SPAG1: variants seen among roughly 807,000 people sequenced by gnomAD.
The protein encoded by SPAG1 is sperm-associated antigen 1.
In SPAG1, 69 loss-of-function variants were observed where a neutral mutation model predicts 100.5. That is an observed-to-expected ratio of 0.69 (90% confidence interval 0.57 to 0.84). The LOEUF (loss-of-function observed/expected upper bound fraction) is 0.84, where lower values mean the gene tolerates loss of function less well. SPAG1 is among the 40% of genes least tolerant of loss of function. The pLI, the probability that SPAG1 is intolerant of heterozygous loss-of-function variation, is 0.00. For missense variants in SPAG1, 955 were observed against 1,133.1 expected (o/e 0.84, Z 2.26); for synonymous variants, 336 against 411.6 (o/e 0.82, Z 2.22).
At chr8:100,161,763 A>G (rs1815317096) in intron 1 of SPAG1, among the ~76,000 whole-genome samples, 1 of 152,214 alleles carries the variant, frequency 6.6e-6, no homozygotes, top group Non-Finnish European at 1.5e-5. Flanking sequence ...CTGAGACCCC[A>G]GAGGAAGGTC....
At position 100,205,079 on chromosome 8, in the gene SPAG1, T is replaced by G. The variant is rs1287507062; in HGVS notation, c.1097-8011T>G. On this transcript the variant is annotated intron_variant, in intron 10 of 18. Transcript: ENST00000388798. ...TACTTAATTTATACAAGCAGAAAAC[T>G]TCTAGGTCAAATGGACAAAAGACTA... Among the ~76,000 whole-genome samples, 4 of 152,292 alleles carry G rather than the reference T, an allele frequency of 2.6e-5. No homozygotes were observed. In the East Asian group the frequency reaches 7.7e-4, roughly 29 times the overall value.
In SPAG1 at chr8:100,213,412, G is replaced by T; in HGVS notation, c.1419G>T (p.Ala473=). ...EAAGKYSAAI[A]LLEPAGSEIA... ...CCGGCAAGTACTCGGCGGCAATCGC[G>T]CTCCTGGAGCCAGCAGGTAGGTGCG... Residue 473 remains alanine, a synonymous_variant, in exon 11 of 19, where the codon GCG becomes GCT. Transcript: ENST00000388798. The T allele has an allele frequency of 7.0e-7, 1 of 1,426,580 alleles. No individual in the cohort carries two copies. Among genetic ancestry groups the T allele is most frequent in the South Asian group, 1.4e-5 (1 of 69,388 alleles). The allele number at this position is 1,426,580 out of a possible 1,614,324, so 88.4% of individuals were successfully genotyped here.
chr8:100,203,000 A>G (rs1366746556), intron 10 of SPAG1, among the ~76,000 whole-genome samples: 4 of 152,108 alleles, frequency 2.6e-5, no homozygotes, highest in African/African-American at 9.7e-5. Context: ...GTTAATACTG[A>G]GTGTTAACTT....
At chr8:100,187,574 T>C (rs1013160704) in intron 8 of SPAG1, among the ~76,000 whole-genome samples, 26 of 152,128 alleles carry the variant, frequency 1.7e-4, no homozygotes, top group African/African-American at 6.3e-4. Flanking sequence ...CTCACACCTA[T>C]AATCCCAAAA....
At chr8:100,159,471 A>G (rs1468859660) in intron 1 of SPAG1, among the ~76,000 whole-genome samples, 1 of 152,230 alleles carries the variant, frequency 6.6e-6, no homozygotes, top group East Asian at 1.9e-4. Flanking sequence ...GAGGTCTGAT[A>G]TATGACCAGA....
intron 10 of SPAG1, among the ~76,000 whole-genome samples, chr8:100,201,256 TACAGGC>T (rs1463073945): frequency 1.3e-5 from 2 of 152,120 alleles, no homozygotes; most frequent in South Asian, 4.1e-4. Context: ...TAGCCTGGAC[TACAGGC>T]ACATGGCAGC....
At chr8:100,171,024 G>A (rs1344085585) in intron 3 of SPAG1, among the ~76,000 whole-genome samples, 2 of 151,918 alleles carry the variant, frequency 1.3e-5, no homozygotes, top group Non-Finnish European at 2.9e-5. Flanking sequence ...GTTTTCTTCT[G>A]TTCCTTGTTT....
At chr8:100,206,017 CAAAAAA>C (rs574907013) in intron 10 of SPAG1, among the ~76,000 whole-genome samples, 10 of 77,340 alleles carry the variant, frequency 1.3e-4, no homozygotes, top group East Asian at 6.1e-4. Context: ...GACTCTGTCT[CAAAAAA>C]AAAAAAAAAA....
At chr8:100,177,788 A>G (rs762225470) in intron 3 of SPAG1, 28 bp from the exon 4 acceptor site, 8 of 1,304,350 alleles carry the variant, frequency 6.1e-6, no homozygotes, top group Admixed American at 2.1e-5. Context: ...ATTTCAAACT[A>G]TATATTTACC....
At chr8:100,212,639 C>T (rs955348143) in intron 10 of SPAG1, among the ~76,000 whole-genome samples, 3 of 152,124 alleles carry the variant, frequency 2.0e-5, no homozygotes, top group Non-Finnish European at 4.4e-5. Context: ...CTTTATTTTT[C>T]TTTCAAATCT....
intron 11 of SPAG1, 28 bp downstream of exon 11, chr8:100,213,456 T>A (rs1033247930): frequency 1.5e-6 from 2 of 1,374,186 alleles, no homozygotes; most frequent in Non-Finnish European, 1.9e-6. Flanking sequence ...CGCCGCTTCC[T>A]GGGCCCCTCG....
intron 10 of SPAG1, among the ~76,000 whole-genome samples, chr8:100,210,098 T>A (rs1817659882): frequency 6.6e-6 from 1 of 152,164 alleles, no homozygotes; most frequent in African/African-American, 2.4e-5. Context: ...AAGCTTTCAT[T>A]ACTTTTATCT....
At position 100,225,236 on chromosome 8, in the gene SPAG1, T is replaced by A; in HGVS notation, c.1752T>A (p.Pro584=). Residue 584 remains proline, a synonymous_variant, in exon 14 of 19, where the codon CCT becomes CCA. Coordinates refer to ENST00000388798, the MANE Select transcript of SPAG1 (RefSeq NM_003114.5). ...GGCGGGAGAAGCTGTCACCTATTCC[T>A]GCTGTGCCTGCTTCTGTGCCACTGC... ...PNWREKLSPI[P]AVPASVPLQA... 1 of 1,613,926 alleles carries A rather than the reference T, an allele frequency of 6.2e-7. No homozygotes were observed. Among genetic ancestry groups the A allele is most frequent in the Non-Finnish European group, 8.5e-7 (1 of 1,179,880 alleles).
Position 100,213,885 on chromosome 8 carries a change from G to A in SPAG1, c.1502G>A (p.Gly501Glu), listed in dbSNP as rs1403295097. 6.2e-7 allele frequency: 1 copy of A among 1,604,502 alleles called. No homozygotes were observed. Among genetic ancestry groups the A allele is most frequent in the African/African-American group, 1.3e-5 (1 of 74,776 alleles). Residue 501 changes from glycine (G) to glutamate (E), a missense_variant, in exon 12 of 19, where the codon GGA (glycine) becomes GAA (glutamate). Transcript: ENST00000388798. ...AGAGCAGCATGTTACCTAAAAGAAG[G>A]AAACTGCAGTGGCTGCATTCAAGAT... ...SNRAACYLKEGNCSGCIQDCN... is the reference protein window; with the variant it reads ...SNRAACYLKEENCSGCIQDCN...
Position 100,241,408 on chromosome 8 carries a change from A to G in SPAG1, c.*386A>G, listed in dbSNP as rs142701612. 136 of 155,804 alleles carry G rather than the reference A, an allele frequency of 8.7e-4. No individual in the cohort carries two copies. Among genetic ancestry groups the G allele is most frequent in the African/African-American group, 3.2e-3 (133 of 41,632 alleles). 9.7% of individuals were successfully genotyped at this position (155,804 alleles called of 1,614,324 possible). Reference sequence around the variant, plus strand: ...TTCTTTTTTAAAAGTGGAAGTCATTAACAGTGATTATTATATCACTTATAT... The same window carrying G: ...TTCTTTTTTAAAAGTGGAAGTCATTGACAGTGATTATTATATCACTTATAT... On this transcript the variant is annotated 3_prime_UTR_variant, in exon 19 of 19. Transcript: ENST00000388798. This position sits in a 1 kb window ranked among gnomAD's most constrained non-coding sequence, Gnocchi z 5.1.
chr8:100,166,711 C>T (rs1815575177), intron 3 of SPAG1, among the ~76,000 whole-genome samples: 2 of 152,090 alleles, frequency 1.3e-5, no homozygotes, highest in Non-Finnish European at 2.9e-5. Flanking sequence ...GAGTTTGAGA[C>T]CAGCCTGGGC....
chr8:100,231,153 T>C lies in SPAG1; in HGVS notation c.1856-3T>C. On this transcript the variant is annotated splice_region_variant and splice_polypyrimidine_tract_variant and intron_variant, in intron 14 of 18. Coordinates refer to ENST00000388798, the MANE Select transcript of SPAG1 (RefSeq NM_003114.5). ...TCCTCTTCTTTGTTTTTTTGTCCCA[T>C]AGATGAAAAAACATTTAAAGCCCTT... 1 of 1,597,252 alleles carries C rather than the reference T, an allele frequency of 6.3e-7. No individual in the cohort carries two copies. The highest frequency in any genetic ancestry group is 8.5e-7 in the Non-Finnish European group (1 of 1,172,818).
At chr8:100,165,343 T>C in intron 2 of SPAG1, 1 of 502,146 alleles carries the variant, frequency 2.0e-6, no homozygotes, top group South Asian at 1.5e-5. Context: ...ATTGCACTTC[T>C]TGCAGCAGGA....
intron 16 of SPAG1, among the ~76,000 whole-genome samples, chr8:100,238,579 A>G (rs1402080457): frequency 6.6e-6 from 1 of 152,214 alleles, no homozygotes; most frequent in Non-Finnish European, 1.5e-5. Context: ...CTTTGCTGCT[A>G]GATTCAGTGG....
Sources: allele counts gnomAD v4.1 joint callset (sites outside exome capture counted in the v4.1 genomes callset), GRCh38; gene constraint gnomAD v4.1.1; non-coding constraint Gnocchi (gnomAD v3.1); transcripts MANE v1.5; gene names NCBI Gene and HGNC (gene_info 2026-07-23, HGNC 2026-07-21).